The following PLSCR5 variants were observed in gnomAD, a reference collection of about 807,000 sequenced individuals.
PLSCR5 encodes phospholipid scramblase family, member 5.
PLSCR5 carries 44 observed loss-of-function variants against 33.6 expected under a neutral mutation model. That is an observed-to-expected ratio of 1.31 (90% CI 1.03 to 1.69). The LOEUF is 1.69. Ranked by LOEUF, PLSCR5 falls within the 40% of genes most tolerant of loss-of-function variation. The pLI is 0.00. For missense variants in PLSCR5, 375 were observed against 318.7 expected (o/e 1.18, Z -1.34); for synonymous variants, 148 against 112.3 (o/e 1.32, Z -2.01).
chr3:146,600,438 C>G lies in PLSCR5; in HGVS notation c.39G>C (p.Leu13=). The change falls in exon 2 of 8, where the codon CTG becomes CTC. Residue 13 remains leucine, a synonymous_variant. Coordinates refer to ENST00000443512, the MANE Select transcript of PLSCR5 (RefSeq NM_001085420.2). The part of the protein sequence containing the change: ...SKDAQNQRRG[L]PGFLPGAPDP... Reference sequence around the variant, plus strand: ...CTGGAGCTCCAGGAAGAAAACCAGGCAGACCTCTTCTTTGGTTCTGGGCAT... The same window carrying G: ...CTGGAGCTCCAGGAAGAAAACCAGGGAGACCTCTTCTTTGGTTCTGGGCAT... The G allele has an allele frequency of 6.2e-7, 1 of 1,600,322 alleles. No individual in the cohort carries two copies.
chr3:146,603,538 A>T (rs1296762132), intron 1 of PLSCR5, among the ~76,000 whole-genome samples: 1 of 152,108 alleles, frequency 6.6e-6, no homozygotes, highest in African/African-American at 2.4e-5. Flanking sequence ...ATTATGGAAC[A>T]TCACTGCTTC....
chr3:146,601,177 T>C (rs1162257464), intron 1 of PLSCR5, among the ~76,000 whole-genome samples: 3 of 151,840 alleles, frequency 2.0e-5, no homozygotes, highest in African/African-American at 7.2e-5. Context: ...ATTTTAATCA[T>C]CTTTTATTTT....
chr3:146,602,482 G>A (rs439109), intron 1 of PLSCR5, among the ~76,000 whole-genome samples: 91,893 of 151,736 alleles, frequency 0.61, 28,040 homozygotes, highest in East Asian at 0.72. Flanking sequence ...CATGGCTATT[G>A]GCTAGAAAGA....
chr3:146,580,018 G>A (rs535051034), intron 7 of PLSCR5, among the ~76,000 whole-genome samples: 8 of 152,220 alleles, frequency 5.3e-5, no homozygotes, highest in African/African-American at 1.9e-4. Context: ...TAGCATGGAA[G>A]ACACATATTC....
At chr3:146,588,505 A>G (rs747249064) in intron 6 of PLSCR5, among the ~76,000 whole-genome samples, 3 of 151,900 alleles carry the variant, frequency 2.0e-5, no homozygotes, top group Non-Finnish European at 2.9e-5. Context: ...AAAAACAAAA[A>G]TGCCAATGTC....
chr3:146,591,440 T>A (rs343290), intron 5 of PLSCR5, among the ~76,000 whole-genome samples: 111,044 of 151,854 alleles, frequency 0.73, 40,729 homozygotes, highest in African/African-American at 0.77. Flanking sequence ...AATTTATTAA[T>A]ATTACTTTGG....
In PLSCR5 at chr3:146,589,730, C is replaced by G. The variant is rs369216517; in HGVS notation, c.700G>C (p.Asp234His). The G allele has an allele frequency of 1.9e-6, 3 of 1,600,772 alleles. No homozygotes were observed. The African/African-American group carries it at 4.0e-5, about 21-fold the overall frequency. Residue 234 changes from aspartate to histidine, a missense_variant, in exon 6 of 8, where the codon GAC becomes CAC. Transcript: ENST00000443512. Reference sequence around the variant, plus strand: ...GCAGGAACATGAATTCCGAAATTGTCAGCATTTGTGAAGACATCATTTACA... The same window carrying G: ...GCAGGAACATGAATTCCGAAATTGTGAGCATTTGTGAAGACATCATTTACA... ...GFVNDVFTNA[D>H]NFGIHVPADL... is the part of the protein sequence containing the mutation.
rs2044696616 is a variant in PLSCR5 at position 146,589,681 on chromosome 3, G to C, written c.749C>G (p.Ala250Gly). 6.2e-7 allele frequency: 1 copy of C among 1,600,188 alleles called. No individual in the cohort carries two copies. The highest frequency in any genetic ancestry group is 8.5e-7 in the Non-Finnish European group (1 of 1,170,538). ...GAGAAAACAGGCACCGATCATTGCT[G>C]CTTTGACTGTTACATCTAGATCTGC... ...VPADLDVTVKAAMIGACFLFD... is the reference protein window; with the variant it reads ...VPADLDVTVKGAMIGACFLFD... The change falls in exon 6 of 8, where the codon GCA (alanine) becomes GGA (glycine). Residue 250 changes from alanine to glycine, a missense_variant. Physicochemically the swap from Ala to Gly is moderately conservative, Grantham distance 60. Transcript: ENST00000443512.
At chr3:146,583,467 T>C (rs2044647450), downstream of PLSCR5, among the ~76,000 whole-genome samples, 1 of 152,156 alleles carries the variant, frequency 6.6e-6, no homozygotes, top group South Asian at 2.1e-4. Flanking sequence ...GGAAACACTG[T>C]TGTACAAGTA....
chr3:146,593,325 T>A (rs2044730602), intron 4 of PLSCR5, among the ~76,000 whole-genome samples: 1 of 152,206 alleles, frequency 6.6e-6, no homozygotes. Context: ...AAGTAAAAGT[T>A]CTGTGTCAAT....
intron 2 of PLSCR5, 77 bp downstream of exon 2, chr3:146,600,211 G>T: frequency 1.8e-6 from 2 of 1,122,956 alleles, no homozygotes; most frequent in African/African-American, 1.6e-5. Flanking sequence ...TTTCAACCTT[G>T]ATTGAAAAGC....
At position 146,591,767 on chromosome 3, in the gene PLSCR5, C is replaced by A. The variant is rs764719973; in HGVS notation, c.568G>T (p.Val190Phe). ...CAGCCACATGTCACACAAGGACCAA[C>A]AATTTTCAAAATATCTTCTTTGTTT... ...NANKEDILKI[V>F]GPCVTCGCFG... is the part of the protein sequence containing the mutation. Residue 190 changes from valine (V) to phenylalanine (F), a missense_variant, in exon 5 of 8, where the codon GTT (valine) becomes TTT (phenylalanine). By Grantham distance (50) the Val-to-Phe change is conservative. Transcript: ENST00000443512. 1.9e-6 allele frequency: 3 copies of A among 1,611,876 alleles called. No individual in the cohort carries two copies. Among genetic ancestry groups the A allele is most frequent in the Non-Finnish European group, 2.5e-6 (3 of 1,178,854 alleles).
downstream of PLSCR5, among the ~76,000 whole-genome samples, chr3:146,581,797 C>T (rs972637744): frequency 4.0e-5 from 6 of 151,898 alleles, no homozygotes; most frequent in African/African-American, 1.5e-4. Flanking sequence ...ATAAATATTA[C>T]ACTTTTATTG....
At position 146,591,850 on chromosome 3, in the gene PLSCR5, A is replaced by C. The variant is rs2044718650; in HGVS notation, c.485T>G (p.Val162Gly). 3 of 1,611,246 alleles carry C rather than the reference A, an allele frequency of 1.9e-6. No individual in the cohort carries two copies. Among genetic ancestry groups the C allele is most frequent in the Non-Finnish European group, 2.5e-6 (3 of 1,178,418 alleles). The change falls in exon 5 of 8, where the codon GTT becomes GGT. Residue 162 changes from valine to glycine, a missense_variant. Transcript: ENST00000443512. ...GTCCCACTTCTGCGTAACGTAACCA[A>C]CTATAGTACCAGGAGGGGCTTGGAT... ...LEIQAPPGTI[V>G]GYVTQKWDPF...
chr3:146,596,910 A>G (rs768657212), intron 2 of PLSCR5, among the ~76,000 whole-genome samples: 1 of 152,172 alleles, frequency 6.6e-6, no homozygotes, highest in African/African-American at 2.4e-5. Flanking sequence ...TAAATTAACA[A>G]TAATAAGAAA....
chr3:146,601,817 TA>T (rs1489662618), intron 1 of PLSCR5, among the ~76,000 whole-genome samples: 4 of 152,170 alleles, frequency 2.6e-5, no homozygotes, highest in African/African-American at 9.6e-5. Flanking sequence ...AAATAAATTC[TA>T]AAAATGAATT....
At chr3:146,587,998 G>A (rs342900) in intron 6 of PLSCR5, among the ~76,000 whole-genome samples, 57,703 of 151,652 alleles carry the variant, frequency 0.38, 11,263 homozygotes, top group East Asian at 0.57. Flanking sequence ...AGTAAATAGG[G>A]CATTAATGTA....
intron 4 of PLSCR5, among the ~76,000 whole-genome samples, chr3:146,592,689 T>C (rs1231976667): frequency 1.3e-5 from 2 of 152,146 alleles, no homozygotes; most frequent in African/African-American, 4.8e-5. Flanking sequence ...CTAGACTGCT[T>C]AGAATTAATA....
At chr3:146,597,594 T>C (rs1333305603) in intron 2 of PLSCR5, among the ~76,000 whole-genome samples, 1 of 152,192 alleles carries the variant, frequency 6.6e-6, no homozygotes, top group Admixed American at 6.6e-5. Context: ...AGTTGTTTGT[T>C]TTAGGCTGTT....
Sources: allele counts gnomAD v4.1 joint callset (sites outside exome capture counted in the v4.1 genomes callset), GRCh38; gene constraint gnomAD v4.1.1; transcripts MANE v1.5; gene names NCBI Gene and HGNC (gene_info 2026-07-23, HGNC 2026-07-21).